Variants in ARHGEF4 observed in about 807,000 individuals in gnomAD.
ARHGEF4 encodes the protein Rho guanine nucleotide exchange factor 4, also known as APC-stimulated guanine nucleotide exchange factor 1.
In ARHGEF4, 119 loss-of-function variants were observed where a neutral mutation model predicts 162.0. The ratio of observed to expected loss-of-function variants is 0.73; its 90% CI spans 0.63 to 0.86. The LOEUF is 0.86. Ranked by LOEUF, ARHGEF4 falls within the 40% of genes least tolerant of loss-of-function variation. The pLI is 0.00. For missense variants in ARHGEF4, 2,488 were observed against 2,456.0 expected (o/e 1.01, Z -0.28); for synonymous variants, 1,014 against 979.9 (o/e 1.03, Z -0.65).
intron 4 of ARHGEF4, among the ~76,000 whole-genome samples, chr2:130,985,439 C>A (rs7594845): frequency 0.61 from 93,361 of 151,840 alleles, 32,537 homozygotes; most frequent in Non-Finnish European, 0.77. Context: ...GGTGCTGCAG[C>A]CGAGGAAATG....
intron 3 of ARHGEF4, among the ~76,000 whole-genome samples, chr2:130,943,644 T>C (rs1482309599): frequency 6.6e-6 from 1 of 152,174 alleles, no homozygotes; most frequent in Non-Finnish European, 1.5e-5. Flanking sequence ...ATTCTTAACA[T>C]TTCCGTCTAG....
intron 3 of ARHGEF4, among the ~76,000 whole-genome samples, chr2:130,943,130 T>C (rs1401211139): frequency 1.2e-4 from 19 of 152,206 alleles, no homozygotes; most frequent in Non-Finnish European, 8.8e-5. Context: ...ATATTTTGAA[T>C]GTCTGTGGTT....
chr2:130,915,805 C>G lies in ARHGEF4; in HGVS notation c.1859C>G (p.Ala620Gly), dbSNP rs1304027073. The change falls in exon 2 of 14, where the codon GCA becomes GGA. Residue 620 changes from alanine to glycine, a missense_variant. Around this residue, in one of 6 missense-constraint regions of ARHGEF4, gnomAD observed 1,642 missense variants for 1,481.5 expected, o/e 1.11. Transcript: ENST00000409359. ...GAGGRQLEPK[A>G]GGEASRGRGA... ...GGGGGCCGGCAGCTGGAGCCCAAAG[C>G]AGGCGGCGAGGCCTCGAGGGGCAGG... is the stretch of plus-strand genomic sequence containing the variant. The G allele has an allele frequency of 2.0e-6, 3 of 1,524,000 alleles. No homozygotes were observed. The highest frequency in any genetic ancestry group is 2.6e-6 in the Non-Finnish European group (3 of 1,134,428). 94.4% of individuals were successfully genotyped at this position (1,524,000 alleles called of 1,614,324 possible). A position where few individuals can be genotyped will look rare whatever the true frequency, so the allele number is the denominator to read the frequency against.
chr2:130,960,577 C>T (rs753381413), intron 4 of ARHGEF4, among the ~76,000 whole-genome samples: 2 of 152,146 alleles, frequency 1.3e-5, no homozygotes, highest in Admixed American at 6.5e-5. Flanking sequence ...CAACTCATGA[C>T]TGTATATGAG....
rs1559038613 is a variant in ARHGEF4, at chr2:130,916,966, C to T, written c.3020C>T (p.Pro1007Leu). 3 of 1,550,882 alleles carry T rather than the reference C, an allele frequency of 1.9e-6. No individual in the cohort carries two copies. Among genetic ancestry groups the T allele is most frequent in the Non-Finnish European group, 2.6e-6 (3 of 1,147,066 alleles). ...GTTTTTAGCGATCACTGGGCACCCC[C>T]ACTTGCCTCCACACCTTTGTCCTCC... The part of the protein sequence containing the change: ...GYVFSDHWAP[P>L]LASTPLSSSL... The change falls in exon 2 of 14, where the codon CCA (proline) becomes CTA (leucine). Residue 1007 changes from proline (P) to leucine (L), a missense_variant. Physicochemically the swap from Pro to Leu is moderately conservative, Grantham distance 98 (BLOSUM62 -3). This residue lies in a region of ARHGEF4 where 1,642 missense variants were observed against 1,481.5 expected (regional missense o/e 1.11). Coordinates refer to ENST00000409359, the MANE Select transcript of ARHGEF4 (RefSeq NM_001367493.1).
chr2:131,041,149 C>T (rs776609957), intron 8 of ARHGEF4, 81 bp from the exon 9 acceptor site: 1 of 1,353,532 alleles, frequency 7.4e-7, no homozygotes, highest in Non-Finnish European at 1.0e-6. Context: ...AATGTAGAGG[C>T]TCTTGCCCTT....
chr2:131,046,378 TGA>T lies in ARHGEF4; in HGVS notation c.*190_*191del, dbSNP rs1440919485. The stretch of plus-strand genomic sequence containing the variant: ...GTCTTTTTCCCTGCTCCTGGTGCCC[TGA>T]AGAGACCAGCAAGGGGGCAGACCCC... On this transcript the variant is annotated 3_prime_UTR_variant, in exon 14 of 14. Coordinates refer to ENST00000409359, the MANE Select transcript of ARHGEF4 (RefSeq NM_001367493.1). The T allele has an allele frequency of 1.6e-6, 1 of 635,638 alleles. No individual in the cohort carries two copies. The highest frequency in any genetic ancestry group is 2.7e-6 in the Non-Finnish European group (1 of 375,076). The allele number at this position is 635,638 out of a possible 1,614,324, so 39.4% of individuals were successfully genotyped here.
At chr2:130,992,900 A>G (rs985614318) in intron 4 of ARHGEF4, among the ~76,000 whole-genome samples, 2 of 152,220 alleles carry the variant, frequency 1.3e-5, no homozygotes, top group South Asian at 2.1e-4. Context: ...CCTGGCCAGC[A>G]TGGCAAAACG....
intron 1 of ARHGEF4, among the ~76,000 whole-genome samples, chr2:130,839,863 C>T (rs1680488204): frequency 6.6e-6 from 1 of 152,174 alleles, no homozygotes; most frequent in African/African-American, 2.4e-5. Context: ...GTATGTCCTA[C>T]TCTCTGGTAC....
intron 1 of ARHGEF4, among the ~76,000 whole-genome samples, chr2:130,909,304 T>C (rs1681029915): frequency 6.6e-6 from 1 of 152,208 alleles, no homozygotes; most frequent in South Asian, 2.1e-4. Context: ...ACAAATTGCC[T>C]TATAGCTGCA....
At chr2:130,851,411 A>G (rs544251796) in intron 1 of ARHGEF4, among the ~76,000 whole-genome samples, 1 of 152,348 alleles carries the variant, frequency 6.6e-6, no homozygotes, top group South Asian at 2.1e-4. Flanking sequence ...ACATCTTCCC[A>G]TGAGACAGGC....
chr2:130,921,226 G>A (rs1188542446), intron 2 of ARHGEF4, among the ~76,000 whole-genome samples: 4 of 152,212 alleles, frequency 2.6e-5, no homozygotes, highest in Non-Finnish European at 5.9e-5. Flanking sequence ...TGTGGACTGG[G>A]TGCGGTGGCT....
At position 130,914,758 on chromosome 2, in the gene ARHGEF4, AG is replaced by A. The variant is rs1681385671; in HGVS notation, c.814del (p.Glu272LysfsTer4). ...NTAPLGTRTK[K>X]ESTLGPAGDT... ...GCCCCTCTGGGGACCAGGACAAAGA[AG>A]GAAAGTACTCTAGGCCCTGCAGGGG... On this transcript the variant is annotated frameshift_variant, in exon 2 of 14. Transcript: ENST00000409359. LOFTEE classifies it high-confidence loss of function. 1 of 1,425,940 alleles carries A rather than the reference AG, an allele frequency of 7.0e-7. No individual in the cohort carries two copies. The highest frequency in any genetic ancestry group is 1.4e-5 in the African/African-American group (1 of 69,522). 88.3% of individuals were successfully genotyped at this position (1,425,940 alleles called of 1,614,324 possible).
chr2:130,993,904 C>T (rs1687215221), intron 4 of ARHGEF4, among the ~76,000 whole-genome samples: 1 of 152,098 alleles, frequency 6.6e-6, no homozygotes, highest in Admixed American at 6.5e-5. Flanking sequence ...CTGCCTCATC[C>T]CCCTGAGTAG....
At chr2:130,918,993 T>C (rs1318789766) in intron 2 of ARHGEF4, among the ~76,000 whole-genome samples, 1 of 152,220 alleles carries the variant, frequency 6.6e-6, no homozygotes, top group Non-Finnish European at 1.5e-5. Flanking sequence ...TCTTTCATTG[T>C]GTTCTCACAC....
At chr2:130,948,638 CAG>C (rs1683766855) in intron 4 of ARHGEF4, among the ~76,000 whole-genome samples, 1 of 152,192 alleles carries the variant, frequency 6.6e-6, no homozygotes, top group African/African-American at 2.4e-5. Flanking sequence ...TTCATGCCAC[CAG>C]TGACATCCAG....
In ARHGEF4 at chr2:131,043,482, C is replaced by T; in HGVS notation, c.5056C>T (p.Leu1686Phe). 1 of 1,614,084 alleles carries T rather than the reference C, an allele frequency of 6.2e-7. No individual in the cohort carries two copies. Among genetic ancestry groups the T allele is most frequent in the Non-Finnish European group, 8.5e-7 (1 of 1,180,026 alleles). ...AGATCTCTTGGTCAGGAGCTCAGAA[C>T]TCATCTACTCGGGGGAGCTGACTCG... is the stretch of plus-strand genomic sequence containing the variant. ...GEDLLVRSSELIYSGELTRVT... is the reference protein window; with the variant it reads ...GEDLLVRSSEFIYSGELTRVT... The change falls in exon 11 of 14, where the codon CTC becomes TTC. Residue 1686 changes from leucine (L) to phenylalanine (F), a missense_variant. Physicochemically the swap from Leu to Phe is conservative, Grantham distance 22 (BLOSUM62 0). This residue lies in a region of ARHGEF4 where 415 missense variants were observed against 512.4 expected (regional missense o/e 0.81). Coordinates refer to ENST00000409359, the MANE Select transcript of ARHGEF4 (RefSeq NM_001367493.1).
chr2:131,046,221 C>A lies in ARHGEF4; in HGVS notation c.*32C>A. On this transcript the variant is annotated 3_prime_UTR_variant, in exon 14 of 14. Coordinates refer to ENST00000409359, the MANE Select transcript of ARHGEF4 (RefSeq NM_001367493.1). ...CCCTGCCTGACAGCACCTGCTGGGC[C>A]TTCCTGCCAGTGGCCCCCAGTTTTT... The A allele has an allele frequency of 6.3e-7, 1 of 1,582,738 alleles. No individual in the cohort carries two copies. Among genetic ancestry groups the A allele is most frequent in the Non-Finnish European group, 8.6e-7 (1 of 1,159,506 alleles).
At chr2:130,886,739 C>G (rs779866036) in intron 1 of ARHGEF4, among the ~76,000 whole-genome samples, 1 of 150,092 alleles carries the variant, frequency 6.7e-6, no homozygotes, top group Non-Finnish European at 1.5e-5. Context: ...AATTTGCTAA[C>G]GAAGTTTCCT....
Sources: gnomAD v4.1 joint callset for allele counts (sites outside exome capture counted in the v4.1 genomes callset) on GRCh38, gnomAD v4.1.1 for gene constraint, gnomAD v4.1.1 regional missense constraint, MANE v1.5 for transcripts, NCBI Gene and HGNC (gene_info 2026-07-23, HGNC 2026-07-21) for gene names.